The following DNAJA4 variants were observed in gnomAD, a reference collection of about 807,000 sequenced individuals.
The protein encoded by DNAJA4 is dnaJ homolog subfamily A member 4.
A neutral mutation model predicts 39.7 loss-of-function variants in DNAJA4; 32 were observed. That is an observed-to-expected ratio of 0.81 (90% CI 0.61 to 1.08). The LOEUF (loss-of-function observed/expected upper bound fraction) is 1.08. DNAJA4 is among the 50% of genes least tolerant of loss of function. The pLI is 0.00. For missense variants in DNAJA4, 439 were observed against 505.1 expected (o/e 0.87, Z 1.25); for synonymous variants, 184 against 182.4 (o/e 1.01, Z -0.07).
At chr15:78,275,201 A>T in intron 4 of DNAJA4, 1 of 392,410 alleles carries the variant, frequency 2.5e-6, no homozygotes, top group Non-Finnish European at 4.7e-6. Flanking sequence ...CGGTGACCCT[A>T]TGCTGGTGGT....
chr15:78,280,534 C>T lies in DNAJA4; in HGVS notation c.*74C>T, dbSNP rs894122905. 8 of 1,280,924 alleles carry T rather than the reference C, an allele frequency of 6.2e-6. No homozygotes were observed. The highest frequency in any genetic ancestry group is 2.8e-5 in the South Asian group (2 of 71,152). The allele number at this position is 1,280,924 out of a possible 1,614,324, so 79.3% of individuals were successfully genotyped here. A position where few individuals can be genotyped will look rare whatever the true frequency, so the allele number is the denominator to read the frequency against. On this transcript the variant is annotated 3_prime_UTR_variant, in exon 7 of 7. Coordinates refer to ENST00000394852, the MANE Select transcript of DNAJA4 (RefSeq NM_001130182.2). ...AAAGTTGGCACAATGAAAATGACAT[C>T]GCTTTAATGGCCTTGTGTTTGGGAT...
intron 1 of DNAJA4, among the ~76,000 whole-genome samples, chr15:78,269,379 G>A (rs540682829): frequency 6.6e-6 from 1 of 152,136 alleles, no homozygotes; most frequent in Non-Finnish European, 1.5e-5. Flanking sequence ...GCATGTTTTC[G>A]CATTCTGATT....
rs59377828 is a variant in DNAJA4 at position 78,281,692 on chromosome 15, G to A, written c.*1232G>A. ...CTTTTCCCCAAGTCACAAAAAACTT[G>A]TAAGCTGCTGGGTTAAAGCAGAGGC... On this transcript the variant is annotated 3_prime_UTR_variant, in exon 7 of 7. Transcript: ENST00000394852. 2.6e-5 allele frequency: 4 copies of A among 152,172 alleles called. No homozygotes were observed. Among genetic ancestry groups the A allele is most frequent in the African/African-American group, 9.7e-5 (4 of 41,438 alleles). 9.4% of individuals were successfully genotyped at this position (152,172 alleles called of 1,614,324 possible). A position where few individuals can be genotyped will look rare whatever the true frequency, so the allele number is the denominator to read the frequency against.
At position 78,264,593 on chromosome 15, in the gene DNAJA4, C is replaced by G. The variant is rs989330632; in HGVS notation, c.-171C>G. 3 of 1,152,532 alleles carry G rather than the reference C, an allele frequency of 2.6e-6. No homozygotes were observed. The highest frequency in any genetic ancestry group is 3.2e-6 in the Non-Finnish European group (3 of 938,228). The allele number at this position is 1,152,532 out of a possible 1,614,324, so 71.4% of individuals were successfully genotyped here. ...GTGGAGCCAGGCGTGGAAGTCGGTC[C>G]GGCGCGGGGCGGGGGGCGGGCGGGA... is the stretch of plus-strand genomic sequence containing the variant. On this transcript the variant is annotated 5_prime_UTR_variant, in exon 1 of 7. Transcript: ENST00000394852.
At chr15:78,272,250 T>C (rs1359689134) in intron 2 of DNAJA4, among the ~76,000 whole-genome samples, 1 of 152,130 alleles carries the variant, frequency 6.6e-6, no homozygotes, top group Non-Finnish European at 1.5e-5. Context: ...GGCAGGAGAA[T>C]GGCGTGAACC....
At position 78,277,954 on chromosome 15, in the gene DNAJA4, GC is replaced by G. The variant is rs1218936285; in HGVS notation, c.878-2090del. 3 of 435,884 alleles carry G rather than the reference GC, an allele frequency of 6.9e-6. No homozygotes were observed. In the Admixed American group the frequency reaches 8.0e-5, roughly 12 times the overall value. 27.0% of individuals were successfully genotyped at this position (435,884 alleles called of 1,614,324 possible). ...TTTTGTTTTTACTTTGTTCTCTTTTGCACCCTCTCTTTTCTTCACCCCTCTT... is the reference window on the plus strand; with the variant it reads ...TTTTGTTTTTACTTTGTTCTCTTTTGACCCTCTCTTTTCTTCACCCCTCTT... On this transcript the variant is annotated intron_variant, in intron 5 of 6. Transcript: ENST00000394852.
chr15:78,264,615 G>A lies in DNAJA4; in HGVS notation c.-149G>A. The stretch of plus-strand genomic sequence containing the variant: ...GTCCGGCGCGGGGCGGGGGGCGGGC[G>A]GGAGCTACAAGCGGCGGCGGCGGCG... On this transcript the variant is annotated 5_prime_UTR_variant, in exon 1 of 7. Transcript: ENST00000394852. The A allele has an allele frequency of 2.7e-6, 3 of 1,095,148 alleles. No individual in the cohort carries two copies. The highest frequency in any genetic ancestry group is 1.1e-6 in the Non-Finnish European group (1 of 903,050). 67.8% of individuals were successfully genotyped at this position (1,095,148 alleles called of 1,614,324 possible).
rs776663527 is a variant in DNAJA4, at chr15:78,264,840, A to G, written c.77A>G (p.Tyr26Cys). ...SASPEEIKKAYRKLALKYHPD... is the reference protein window; with the variant it reads ...SASPEEIKKACRKLALKYHPD... ...TCCCCGGAGGAGATCAAGAAGGCCT[A>G]TCGGAAGCTGGCGCTCAAGTACCAC... Residue 26 changes from tyrosine (Y) to cysteine (C), a missense_variant, in exon 1 of 7, where the codon TAT becomes TGT. Transcript: ENST00000394852. 2.9e-5 allele frequency: 46 copies of G among 1,609,708 alleles called. No homozygotes were observed. Among genetic ancestry groups the G allele is most frequent in the Non-Finnish European group, 3.7e-5 (44 of 1,177,988 alleles).
At chr15:78,269,323 G>C (rs2049229835) in intron 1 of DNAJA4, among the ~76,000 whole-genome samples, 1 of 152,206 alleles carries the variant, frequency 6.6e-6, no homozygotes, top group Non-Finnish European at 1.5e-5. Flanking sequence ...CTGAGATGGT[G>C]CCTTCAGCCA....
chr15:78,267,160 A>AGTG (rs1567114996), intron 1 of DNAJA4, among the ~76,000 whole-genome samples: 17 of 131,162 alleles, frequency 1.3e-4, no homozygotes, highest in African/African-American at 5.6e-4. Context: ...GTGAGTGTGT[A>AGTG]TGTGAGTGTG....
At chr15:78,277,283 C>A (rs896022926) in intron 5 of DNAJA4, among the ~76,000 whole-genome samples, 3 of 152,118 alleles carry the variant, frequency 2.0e-5, no homozygotes, top group African/African-American at 7.2e-5. Flanking sequence ...CTCAGCCTCC[C>A]GAGTAGCTGG....
rs749734650 is a variant in DNAJA4, at chr15:78,275,733, T to C, written c.877+5T>C. On this transcript the variant is annotated splice_donor_5th_base_variant and intron_variant, in intron 5 of 6. Coordinates refer to ENST00000394852, the MANE Select transcript of DNAJA4 (RefSeq NM_001130182.2). The stretch of plus-strand genomic sequence containing the variant: ...TTGTTATTACATCCAAAGCAGGTAA[T>C]GTTTCAAAGTGTGTTTCCATTGATG... 1 of 1,581,924 alleles carries C rather than the reference T, an allele frequency of 6.3e-7. No individual in the cohort carries two copies. Among genetic ancestry groups the C allele is most frequent in the Admixed American group, 1.7e-5 (1 of 59,526 alleles).
intron 5 of DNAJA4, 89 bp downstream of exon 5, chr15:78,275,817 A>C: frequency 1.1e-6 from 1 of 873,532 alleles, no homozygotes. Context: ...ATTGCTACAT[A>C]ATATTTTACA....
rs112659911 is a variant in DNAJA4, at chr15:78,281,454, C to T, written c.*994C>T. On this transcript the variant is annotated 3_prime_UTR_variant, in exon 7 of 7. Coordinates refer to ENST00000394852, the MANE Select transcript of DNAJA4 (RefSeq NM_001130182.2). ...TGAGCTCCCTTCCAAAGGATCGTTCCTCTCATTGCACAGCCATATTACAAA... is the reference window on the plus strand; with the variant it reads ...TGAGCTCCCTTCCAAAGGATCGTTCTTCTCATTGCACAGCCATATTACAAA... 2.0e-5 allele frequency: 3 copies of T among 149,132 alleles called. No individual in the cohort carries two copies. Among genetic ancestry groups the T allele is most frequent in the Non-Finnish European group, 4.4e-5 (3 of 68,040 alleles). 9.2% of individuals were successfully genotyped at this position (149,132 alleles called of 1,614,324 possible). A position where few individuals can be genotyped will look rare whatever the true frequency, so the allele number is the denominator to read the frequency against.
In DNAJA4 at chr15:78,281,576, T is replaced by TACAA. The variant is rs2049659127; in HGVS notation, c.*1116_*1117insACAA. On this transcript the variant is annotated 3_prime_UTR_variant, in exon 7 of 7. Coordinates refer to ENST00000394852, the MANE Select transcript of DNAJA4 (RefSeq NM_001130182.2). ...CTACTACTGTAAATTATAGCTTGTT[T>TACAA]GGAGGGATATTAGTCATTATTTTAT... 6.6e-6 allele frequency: 1 copy of TACAA among 152,246 alleles called. No individual in the cohort carries two copies. Among genetic ancestry groups the TACAA allele is most frequent in the South Asian group, 2.1e-4 (1 of 4,834 alleles). 9.4% of individuals were successfully genotyped at this position (152,246 alleles called of 1,614,324 possible).
Position 78,273,094 on chromosome 15 carries a change from G to A in DNAJA4, c.314-1G>A, listed in dbSNP as rs1445218309. ...ACTAATTTTTTTTCTCCCTTGCTAA[G>A]GCAAGAATGTTGTACACCAGTTATC... On this transcript the variant is annotated splice_acceptor_variant, in intron 2 of 6. Coordinates refer to ENST00000394852, the MANE Select transcript of DNAJA4 (RefSeq NM_001130182.2). LOFTEE classifies it high-confidence loss of function. 6.4e-7 allele frequency: 1 copy of A among 1,570,350 alleles called. No individual in the cohort carries two copies. Among genetic ancestry groups the A allele is most frequent in the East Asian group, 2.2e-5 (1 of 44,648 alleles).
chr15:78,271,984 G>A (rs903546437), intron 2 of DNAJA4, among the ~76,000 whole-genome samples: 1 of 152,114 alleles, frequency 6.6e-6, no homozygotes, highest in Non-Finnish European at 1.5e-5. Flanking sequence ...TGAACATAGA[G>A]TGCTGAAAAT....
chr15:78,271,479 C>T (rs2049295506), intron 2 of DNAJA4, among the ~76,000 whole-genome samples: 1 of 152,220 alleles, frequency 6.6e-6, no homozygotes, highest in Non-Finnish European at 1.5e-5. Context: ...ATTTCCCAGC[C>T]TGCTCAGGGG....
intron 5 of DNAJA4, among the ~76,000 whole-genome samples, chr15:78,277,419 C>T (rs1246145363): frequency 6.6e-6 from 1 of 152,180 alleles, no homozygotes; most frequent in African/African-American, 2.4e-5. Flanking sequence ...GGAAGCACTG[C>T]AGTATAATGC....
Sources: allele counts gnomAD v4.1 joint callset (sites outside exome capture counted in the v4.1 genomes callset), GRCh38; gene constraint gnomAD v4.1.1; transcripts MANE v1.5; gene names NCBI Gene and HGNC (gene_info 2026-07-23, HGNC 2026-07-21).